Variants in FARP2 observed in about 807,000 individuals in gnomAD.
The protein encoded by FARP2 is FERM, ARHGEF and pleckstrin domain-containing protein 2.
Under a neutral mutation model 130.5 loss-of-function variants are expected in FARP2, and 111 were observed. The ratio of observed to expected loss-of-function variants is 0.85; its 90% CI spans 0.73 to 1.00. FARP2 has a LOEUF of 1.00. FARP2 is among the 50% of genes least tolerant of loss of function. The pLI, the probability that FARP2 is intolerant of heterozygous loss-of-function variation, is 0.00. For synonymous variants in FARP2, 504 were observed against 516.9 expected, an observed-to-expected ratio of 0.98 and a Z score of 0.34; for missense variants, 1,385 against 1,346.3, an observed-to-expected ratio of 1.03 and a Z score of -0.45.
At chr2:241,429,877 G>A (rs931463065) in intron 8 of FARP2, among the ~76,000 whole-genome samples, 7 of 152,220 alleles carry the variant, frequency 4.6e-5, no homozygotes, top group African/African-American at 1.7e-4. Flanking sequence ...AAGCCCAGGA[G>A]TTTGAGACTC....
chr2:241,362,378 C>T (rs1162090581), intron 1 of FARP2, among the ~76,000 whole-genome samples: 2 of 151,846 alleles, frequency 1.3e-5, no homozygotes, highest in African/African-American at 2.4e-5. Context: ...CTGAGGTGGG[C>T]AGATCATGAG....
At chr2:241,491,760 C>T in intron 24 of FARP2, 81 bp downstream of exon 24, 2 of 1,388,592 alleles carry the variant, frequency 1.4e-6, no homozygotes, top group Non-Finnish European at 1.9e-6. Flanking sequence ...GAGGGGACCT[C>T]AGGAGGGTAC....
At chr2:241,440,954 A>G (rs1361980999) in intron 12 of FARP2, among the ~76,000 whole-genome samples, 2 of 152,128 alleles carry the variant, frequency 1.3e-5, no homozygotes, top group African/African-American at 4.8e-5. Flanking sequence ...AGTTTGAGCT[A>G]TGATGGCACC....
intron 1 of FARP2, among the ~76,000 whole-genome samples, chr2:241,372,337 G>A (rs1273425352): frequency 6.6e-6 from 1 of 152,086 alleles, no homozygotes; most frequent in Admixed American, 6.5e-5. Context: ...CAGGCATGTG[G>A]TCCTTGTTAC....
intron 1 of FARP2, among the ~76,000 whole-genome samples, chr2:241,367,995 T>G (rs1164189965): frequency 6.6e-6 from 1 of 151,946 alleles, no homozygotes; most frequent in African/African-American, 2.4e-5. Context: ...CATCCCCTAC[T>G]GTCAACATTT....
At chr2:241,463,531 G>C in intron 16 of FARP2, 63 bp downstream of exon 16, 2 of 1,553,114 alleles carry the variant, frequency 1.3e-6, no homozygotes, top group Non-Finnish European at 1.7e-6. Context: ...CCGCTCTTAG[G>C]AACTTCCCAG....
At chr2:241,366,125 A>ATATACG (rs2061309659) in intron 1 of FARP2, among the ~76,000 whole-genome samples, 1 of 67,368 alleles carries the variant, frequency 1.5e-5, no homozygotes, top group Non-Finnish European at 2.8e-5. Flanking sequence ...ATATATACGT[A>ATATACG]TATATATATA....
intron 5 of FARP2, chr2:241,410,816 C>CTGAGTTGGTTTATCATCTGACCTTCACT: frequency 2.0e-6 from 1 of 509,718 alleles, no homozygotes; most frequent in Non-Finnish European, 3.6e-6. Flanking sequence ...ACTCAGTCTG[C>CTGAGTTGGTTTATCATCTGACCTTCACT]TGAGTTGGTT....
intron 2 of FARP2, among the ~76,000 whole-genome samples, chr2:241,391,402 T>C (rs940233790): frequency 2.6e-5 from 4 of 152,222 alleles, no homozygotes; most frequent in African/African-American, 9.7e-5. Context: ...TCCTTCTTGA[T>C]GTGCCCTTGC....
rs1198119493 is a variant in FARP2 at position 241,452,396 on chromosome 2, TTAAAAA to T, written c.1412-4344_1412-4339del. Among the ~76,000 whole-genome samples the T allele has an allele frequency of 3.9e-5, 6 of 152,244 alleles. No homozygotes were observed. In the South Asian group the frequency reaches 1.2e-3, roughly 32 times the overall value. On this transcript the variant is annotated intron_variant, in intron 13 of 26. Coordinates refer to ENST00000264042, the MANE Select transcript of FARP2 (RefSeq NM_014808.4). ...ACACATTCATCGCCAGTTGCTTGTTTTAAAAATAAAAAAAAAAAGTCTCCCCACAGA... is the reference window on the plus strand; with the variant it reads ...ACACATTCATCGCCAGTTGCTTGTTTTAAAAAAAAAAAGTCTCCCCACAGA...
At position 241,431,828 on chromosome 2, in the gene FARP2, T is replaced by G. The variant is rs2063099290; in HGVS notation, c.867+54T>G. ...TATTTTATTTTATTTATTTATTTAT[T>G]TATTTTTTTGAGACGGAGTTTCGCT... On this transcript the variant is annotated intron_variant, in intron 9 of 26. Coordinates refer to ENST00000264042, the MANE Select transcript of FARP2 (RefSeq NM_014808.4). 3 of 670,204 alleles carry G rather than the reference T, an allele frequency of 4.5e-6. No individual in the cohort carries two copies. The Admixed American group carries it at 1.3e-4, about 28-fold the overall frequency. The allele number at this position is 670,204 out of a possible 1,614,324, so 41.5% of individuals were successfully genotyped here. A position where few individuals can be genotyped will look rare whatever the true frequency, so the allele number is the denominator to read the frequency against.
At chr2:241,446,061 G>A (rs1028707422) in intron 13 of FARP2, 5 of 152,156 alleles carry the variant, frequency 3.3e-5, no homozygotes, top group African/African-American at 1.2e-4. Context: ...AACTGTTTTT[G>A]TATTTAAGTT....
At chr2:241,381,943 C>T (rs6761444) in intron 2 of FARP2, among the ~76,000 whole-genome samples, 28,922 of 152,118 alleles carry the variant, frequency 0.19, 3,094 homozygotes, top group Middle Eastern at 0.35. Context: ...GACCAATCAA[C>T]GCCATCTCTC....
At chr2:241,452,858 T>C (rs1408253873) in intron 13 of FARP2, among the ~76,000 whole-genome samples, 1 of 146,564 alleles carries the variant, frequency 6.8e-6, no homozygotes, top group South Asian at 2.2e-4. Context: ...CGAGAATCGC[T>C]TGAACCCAGG....
chr2:241,403,888 T>G lies in FARP2; in HGVS notation c.244T>G (p.Cys82Gly). 6.2e-7 allele frequency: 1 copy of G among 1,613,856 alleles called. No homozygotes were observed. The highest frequency in any genetic ancestry group is 8.5e-7 in the Non-Finnish European group (1 of 1,179,704). ...QVWKRLNLVECDYFGMEFQNT... is the reference protein window; with the variant it reads ...QVWKRLNLVEGDYFGMEFQNT... ...GTGGAAGCGTTTAAACCTGGTAGAATGTGACTACTTCGGGATGGAGTTTCA... is the reference window on the plus strand; with the variant it reads ...GTGGAAGCGTTTAAACCTGGTAGAAGGTGACTACTTCGGGATGGAGTTTCA... Residue 82 changes from cysteine to glycine, a missense_variant, in exon 3 of 27, where the codon TGT (cysteine) becomes GGT (glycine). Coordinates refer to ENST00000264042, the MANE Select transcript of FARP2 (RefSeq NM_014808.4).
intron 14 of FARP2, among the ~76,000 whole-genome samples, chr2:241,457,996 A>T (rs2063909010): frequency 6.6e-6 from 1 of 152,154 alleles, no homozygotes; most frequent in Non-Finnish European, 1.5e-5. Flanking sequence ...AGATGATAGG[A>T]ATAAGGGCAC....
At chr2:241,424,371 A>G (rs540965829) in intron 8 of FARP2, among the ~76,000 whole-genome samples, 2 of 152,370 alleles carry the variant, frequency 1.3e-5, no homozygotes, top group Admixed American at 6.5e-5. Flanking sequence ...TCTTGGGTAA[A>G]TAATGAAATT....
At chr2:241,438,968 T>G (rs1354346270) in intron 12 of FARP2, among the ~76,000 whole-genome samples, 1 of 152,124 alleles carries the variant, frequency 6.6e-6, no homozygotes, top group Non-Finnish European at 1.5e-5. Flanking sequence ...AATTTCTTGT[T>G]AATTCAATTG....
chr2:241,483,741 C>T, intron 20 of FARP2: 1 of 955,160 alleles, frequency 1.0e-6, no homozygotes, highest in Non-Finnish European at 1.2e-6. Flanking sequence ...CCCCACCCAC[C>T]CCAGGGCCAG....
Sources: allele counts gnomAD v4.1 joint callset (sites outside exome capture counted in the v4.1 genomes callset), GRCh38; gene constraint gnomAD v4.1.1; transcripts MANE v1.5; gene names NCBI Gene and HGNC (gene_info 2026-07-23, HGNC 2026-07-21).